Variants in RAB31 observed in about 807,000 individuals in gnomAD.
The protein encoded by RAB31 is ras-related protein Rab-31.
In RAB31, 21 loss-of-function variants were observed where a neutral mutation model predicts 25.6. The ratio of observed to expected loss-of-function variants is 0.82; its 90% CI spans 0.58 to 1.18. The LOEUF is 1.18. Ranked by LOEUF, RAB31 falls within the 50% of genes most tolerant of loss-of-function variation. The pLI, the probability that RAB31 is intolerant of heterozygous loss-of-function variation, is 0.00. For synonymous variants in RAB31, 87 were observed against 84.0 expected, an observed-to-expected ratio of 1.04 and a Z score of -0.20; for missense variants, 196 against 250.1, an observed-to-expected ratio of 0.78 and a Z score of 1.46.
rs142832204 is a variant in RAB31 at position 9,779,807 on chromosome 18, A to G, written c.119+4450A>G. Among the ~76,000 whole-genome samples the G allele has an allele frequency of 2.1e-3, 315 of 152,332 alleles. 2 individuals carry two copies. Among genetic ancestry groups the G allele is most frequent in the African/African-American group, 7.5e-3 (311 of 41,586 alleles). ...CCTCAATAGAAGCAGGCAGTTGTGC[A>G]ATAGGGCTTACACAGGTGACTCAAC... On this transcript the variant is annotated intron_variant, in intron 2 of 6. Transcript: ENST00000578921.
At chr18:9,736,818 A>C (rs2068153576) in intron 1 of RAB31, among the ~76,000 whole-genome samples, 1 of 152,186 alleles carries the variant, frequency 6.6e-6, no homozygotes, top group Admixed American at 6.5e-5. Context: ...AGAAGATGCT[A>C]ATTTATTTTA....
Position 9,729,387 on chromosome 18 carries a change from C to G in RAB31, c.39+20943C>G, listed in dbSNP as rs193131376. ...CTAAAAATATAAAAAATTAGCCGGG[C>G]GTGGTGGTGGGCACCTGTAGTCCCA... is the stretch of plus-strand genomic sequence containing the variant. On this transcript the variant is annotated intron_variant, in intron 1 of 6. Coordinates refer to ENST00000578921, the MANE Select transcript of RAB31 (RefSeq NM_006868.4). Among the ~76,000 whole-genome samples the G allele has an allele frequency of 3.3e-5, 5 of 151,972 alleles. No individual in the cohort carries two copies. In the East Asian group the frequency reaches 9.7e-4, roughly 29 times the overall value.
chr18:9,746,742 T>C (rs2068207712), intron 1 of RAB31, among the ~76,000 whole-genome samples: 2 of 152,232 alleles, frequency 1.3e-5, no homozygotes, highest in Non-Finnish European at 1.5e-5. Flanking sequence ...TACTTACACA[T>C]TTGCATACCC....
chr18:9,771,113 G>GT (rs2068342760), intron 1 of RAB31, among the ~76,000 whole-genome samples: 1 of 152,170 alleles, frequency 6.6e-6, no homozygotes, highest in East Asian at 1.9e-4. Context: ...CGAGGCTGCA[G>GT]TGAGCTATGA....
rs574902753 is a variant in RAB31, at chr18:9,717,413, A to G, written c.39+8969A>G. On this transcript the variant is annotated intron_variant, in intron 1 of 6. Coordinates refer to ENST00000578921, the MANE Select transcript of RAB31 (RefSeq NM_006868.4). ...CAGAGGTGCCTAGGAGACTCGAGTT[A>G]TCAGAAAATTGAAGGGGCCTGCAGG... Among the ~76,000 whole-genome samples the G allele has an allele frequency of 3.3e-5, 5 of 152,330 alleles. No homozygotes were observed. In the South Asian group the frequency reaches 1.0e-3, roughly 32 times the overall value.
At chr18:9,847,507 TA>T (rs1171213166) in intron 6 of RAB31, among the ~76,000 whole-genome samples, 1 of 152,222 alleles carries the variant, frequency 6.6e-6, no homozygotes, top group Admixed American at 6.5e-5. Context: ...AAGTCATTGT[TA>T]AAATTTAAAA....
rs1658763982 is a variant in RAB31 at position 9,861,254 on chromosome 18, A to G, written c.*1929A>G. The G allele has an allele frequency of 6.6e-6, 1 of 152,132 alleles. No homozygotes were observed. Among genetic ancestry groups the G allele is most frequent in the Non-Finnish European group, 1.5e-5 (1 of 68,040 alleles). 9.4% of individuals were successfully genotyped at this position (152,132 alleles called of 1,614,324 possible). A position where few individuals can be genotyped will look rare whatever the true frequency, so the allele number is the denominator to read the frequency against. On this transcript the variant is annotated 3_prime_UTR_variant, in exon 7 of 7. Coordinates refer to ENST00000578921, the MANE Select transcript of RAB31 (RefSeq NM_006868.4). ...GTTCAGGTTTTTTAGCTGAGGGGTA[A>G]GTATCCTAGCTGAGAGTTTTGCATC...
Position 9,859,484 on chromosome 18 carries a change from T to C in RAB31, c.*159T>C, listed in dbSNP as rs2143160957. Reference sequence around the variant, plus strand: ...CCTGCAGGGGGCGGGGCAGGAAATGTACCTGAAAAGGATTTTAGAAAACCC... The same window carrying C: ...CCTGCAGGGGGCGGGGCAGGAAATGCACCTGAAAAGGATTTTAGAAAACCC... On this transcript the variant is annotated 3_prime_UTR_variant, in exon 7 of 7. Coordinates refer to ENST00000578921, the MANE Select transcript of RAB31 (RefSeq NM_006868.4). 2 of 540,216 alleles carry C rather than the reference T, an allele frequency of 3.7e-6. No individual in the cohort carries two copies. Among genetic ancestry groups the C allele is most frequent in the East Asian group, 6.4e-5 (2 of 31,304 alleles). The allele number at this position is 540,216 out of a possible 1,614,324, so 33.5% of individuals were successfully genotyped here.
At chr18:9,773,792 G>A (rs930777231) in intron 1 of RAB31, among the ~76,000 whole-genome samples, 1 of 152,074 alleles carries the variant, frequency 6.6e-6, no homozygotes, top group Non-Finnish European at 1.5e-5. Flanking sequence ...CCAAGTAGCT[G>A]GGACTACAGG....
chr18:9,804,308 A>G (rs1237623291), intron 3 of RAB31, among the ~76,000 whole-genome samples: 2 of 152,200 alleles, frequency 1.3e-5, no homozygotes, highest in Admixed American at 1.3e-4. Context: ...ACACCTTCCC[A>G]GGTCAGGCAA....
chr18:9,770,852 CTTTTT>C (rs34745235), intron 1 of RAB31, among the ~76,000 whole-genome samples: 1 of 128,542 alleles, frequency 7.8e-6, no homozygotes, highest in African/African-American at 2.9e-5. Context: ...AGAAATTTGA[CTTTTT>C]TTTTTTTTTT....
intron 5 of RAB31, among the ~76,000 whole-genome samples, chr18:9,817,087 G>T (rs2284145): frequency 0.093 from 14,097 of 151,780 alleles, 920 homozygotes; most frequent in East Asian, 0.31. Context: ...ATCTCCCTTC[G>T]TTACTGTAAT....
At chr18:9,793,555 G>A (rs947221850) in intron 3 of RAB31, among the ~76,000 whole-genome samples, 4 of 151,902 alleles carry the variant, frequency 2.6e-5, no homozygotes, top group South Asian at 2.1e-4. Context: ...CCAGCTACTC[G>A]GGAGGCTGAG....
At chr18:9,783,790 A>G (rs1201650234) in intron 2 of RAB31, among the ~76,000 whole-genome samples, 1 of 152,244 alleles carries the variant, frequency 6.6e-6, no homozygotes, top group Non-Finnish European at 1.5e-5. Flanking sequence ...ATTCCTTTAC[A>G]AAGAAAAATG....
At chr18:9,726,377 G>C (rs1461798122) in intron 1 of RAB31, among the ~76,000 whole-genome samples, 1 of 152,174 alleles carries the variant, frequency 6.6e-6, no homozygotes, top group Non-Finnish European at 1.5e-5. Context: ...GAGGGCAGAT[G>C]AGCCCTGGCA....
At chr18:9,858,945 A>G (rs2068832987) in intron 6 of RAB31, among the ~76,000 whole-genome samples, 1 of 152,018 alleles carries the variant, frequency 6.6e-6, no homozygotes, top group South Asian at 2.1e-4. Flanking sequence ...CCAGGAGTGG[A>G]TCTTCCTAGC....
chr18:9,766,696 G>A lies in RAB31; in HGVS notation c.40-8582G>A, dbSNP rs1030478444. Among the ~76,000 whole-genome samples the A allele has an allele frequency of 5.3e-5, 8 of 152,110 alleles. No homozygotes were observed. Among genetic ancestry groups the A allele is most frequent in the African/African-American group, 1.9e-4 (8 of 41,422 alleles). ...TGTGGCTGGGCGCATGGCTCACACC[G>A]GTAATCTCAGCACTTTGGGAGGCTG... On this transcript the variant is annotated intron_variant, in intron 1 of 6. Transcript: ENST00000578921. This position sits in a 1 kb window ranked among gnomAD's most constrained non-coding sequence, Gnocchi z 4.3.
At chr18:9,716,303 G>A (rs1371872123) in intron 1 of RAB31, among the ~76,000 whole-genome samples, 2 of 151,868 alleles carry the variant, frequency 1.3e-5, no homozygotes, top group African/African-American at 4.8e-5. Context: ...GATCTCGAGT[G>A]GTCTTATTTT....
chr18:9,747,392 G>A (rs1192560884), intron 1 of RAB31, among the ~76,000 whole-genome samples: 3 of 152,138 alleles, frequency 2.0e-5, no homozygotes, highest in Non-Finnish European at 4.4e-5. Flanking sequence ...CTAGGTATAT[G>A]CCACAAAGAA....
Sources: gnomAD v4.1 joint callset for allele counts (sites outside exome capture counted in the v4.1 genomes callset) on GRCh38, gnomAD v4.1.1 for gene constraint, Gnocchi (gnomAD v3.1) non-coding constraint, MANE v1.5 for transcripts, NCBI Gene and HGNC (gene_info 2026-07-23, HGNC 2026-07-21) for gene names.